MAP10: variants seen among roughly 807,000 people sequenced by gnomAD.
MAP10 encodes the protein microtubule-associated protein 10.
Under a neutral mutation model 6.3 loss-of-function variants are expected in MAP10, and 10 were observed. The ratio of observed to expected loss-of-function variants is 1.58; its 90% CI spans 0.98 to 2.69. The LOEUF is 2.69. MAP10 is among the 30% of genes most tolerant of loss of function. MAP10 has a pLI of 0.00. For missense variants in MAP10, 1,189 were observed against 1,086.5 expected (o/e 1.09, Z -1.33); for synonymous variants, 459 against 429.3 (o/e 1.07, Z -0.86).
rs980493981 is a variant in MAP10, at chr1:232,809,261, CT to C, written c.*1097del. On this transcript the variant is annotated 3_prime_UTR_variant, in exon 1 of 1. Coordinates refer to ENST00000418460, the MANE Select transcript of MAP10 (RefSeq NM_019090.3). ...TATATTTTCTTCTAGCTGTGTTATA[CT>C]TTAATTTTTAGACTTTTTAATATAT... Among the ~76,000 whole-genome samples the C allele has an allele frequency of 3.3e-5, 5 of 151,830 alleles. No individual in the cohort carries two copies. Among genetic ancestry groups the C allele is most frequent in the African/African-American group, 9.7e-5 (4 of 41,378 alleles).
chr1:232,808,035 TA>T, the MAP10 span: 5 of 1,613,354 alleles, frequency 3.1e-6, no homozygotes, highest in South Asian at 5.5e-5. Context: ...TGTCCGAACT[TA>T]ATGTCCTGGA....
Position 232,806,108 on chromosome 1 carries a change from A to G in MAP10, c.659A>G (p.Gln220Arg). ...QTQQERQQLQQPASQPSPKEA... is the reference protein window; with the variant it reads ...QTQQERQQLQRPASQPSPKEA... ...CAGCAGGAAAGACAGCAGCTGCAGC[A>G]GCCAGCCTCACAGCCAAGCCCAAAA... Residue 220 changes from glutamine to arginine, a missense_variant, in exon 1 of 1, where the codon CAG (glutamine) becomes CGG (arginine). Physicochemically the swap from Gln to Arg is conservative, Grantham distance 43. Transcript: ENST00000418460. 4 of 1,614,010 alleles carry G rather than the reference A, an allele frequency of 2.5e-6. No homozygotes were observed. The highest frequency in any genetic ancestry group is 3.4e-6 in the Non-Finnish European group (4 of 1,179,892).
Position 232,807,111 on chromosome 1 carries a change from G to A in MAP10, c.1662G>A (p.Lys554=), listed in dbSNP as rs1266989522. 7 of 1,612,020 alleles carry A rather than the reference G, an allele frequency of 4.3e-6. No homozygotes were observed. The highest frequency in any genetic ancestry group is 5.1e-6 in the Non-Finnish European group (6 of 1,179,120). ...TAAGCTCTGCAGAACAAAGTCAGAAGCCACAACTGCCTGAAGATAAGTATT... is the reference window on the plus strand; with the variant it reads ...TAAGCTCTGCAGAACAAAGTCAGAAACCACAACTGCCTGAAGATAAGTATT... The part of the protein sequence containing the change: ...KLLSSAEQSQ[K]PQLPEDKYLD... The change falls in exon 1 of 1, where the codon AAG becomes AAA. Residue 554 remains lysine (K), a synonymous_variant. Transcript: ENST00000418460.
chr1:232,807,150 A>G lies in MAP10; in HGVS notation c.1701A>G (p.Ala567=), dbSNP rs993329887. ...AAGATAAGTATTTAGATTCAGATGCATCTTTCACTGAAAATAGTGATACCT... is the reference window on the plus strand; with the variant it reads ...AAGATAAGTATTTAGATTCAGATGCGTCTTTCACTGAAAATAGTGATACCT... ...LPEDKYLDSD[A]SFTENSDTSR... Residue 567 remains alanine (A), a synonymous_variant, in exon 1 of 1, where the codon GCA becomes GCG. Transcript: ENST00000418460. 5.0e-6 allele frequency: 8 copies of G among 1,612,654 alleles called. No homozygotes were observed. The highest frequency in any genetic ancestry group is 6.8e-6 in the Non-Finnish European group (8 of 1,179,172).
In MAP10 at chr1:232,809,094, G is replaced by C. The variant is rs1666156296; in HGVS notation, c.*927G>C. ...TATCTTTTATACAGTTTCTGATATA[G>C]GAGTTCAGTTTCTTGTCATTTCAGT... On this transcript the variant is annotated 3_prime_UTR_variant, in exon 1 of 1. Transcript: ENST00000418460. Among the ~76,000 whole-genome samples, 1 of 152,020 alleles carries C rather than the reference G, an allele frequency of 6.6e-6. No homozygotes were observed. The highest frequency in any genetic ancestry group is 1.5e-5 in the Non-Finnish European group (1 of 67,932).
At position 232,805,492 on chromosome 1, in the gene MAP10, C is replaced by T. The variant is rs1340608929; in HGVS notation, c.43C>T (p.Leu15=). ...LSERLFSLEL[L]VDWVRLEARL... ...CGAGCGGCTCTTCTCGCTGGAGCTGCTGGTGGACTGGGTGCGTTTGGAAGC... is the reference window on the plus strand; with the variant it reads ...CGAGCGGCTCTTCTCGCTGGAGCTGTTGGTGGACTGGGTGCGTTTGGAAGC... Residue 15 remains leucine, a synonymous_variant, in exon 1 of 1, where the codon CTG becomes TTG. Transcript: ENST00000418460. 6.3e-7 allele frequency: 1 copy of T among 1,581,038 alleles called. No individual in the cohort carries two copies. The highest frequency in any genetic ancestry group is 8.6e-7 in the Non-Finnish European group (1 of 1,162,818).
chr1:232,805,489 C>G lies in MAP10; in HGVS notation c.40C>G (p.Leu14Val), dbSNP rs1275747279. ...SLSERLFSLE[L>V]LVDWVRLEAR... Reference sequence around the variant, plus strand: ...GTCCGAGCGGCTCTTCTCGCTGGAGCTGCTGGTGGACTGGGTGCGTTTGGA... The same window carrying G: ...GTCCGAGCGGCTCTTCTCGCTGGAGGTGCTGGTGGACTGGGTGCGTTTGGA... The change falls in exon 1 of 1, where the codon CTG (leucine) becomes GTG (valine). Residue 14 changes from leucine (L) to valine (V), a missense_variant. Coordinates refer to ENST00000418460, the MANE Select transcript of MAP10 (RefSeq NM_019090.3). 1.9e-6 allele frequency: 3 copies of G among 1,584,502 alleles called. No individual in the cohort carries two copies. Among genetic ancestry groups the G allele is most frequent in the East Asian group, 2.3e-5 (1 of 43,600 alleles).
chr1:232,806,497 A>G lies in MAP10; in HGVS notation c.1048A>G (p.Ser350Gly). The change falls in exon 1 of 1, where the codon AGT becomes GGT. Residue 350 changes from serine to glycine, a missense_variant. Ser to Gly is a moderately conservative substitution (Grantham distance 56). Coordinates refer to ENST00000418460, the MANE Select transcript of MAP10 (RefSeq NM_019090.3). ...KKRVNPPAHR[S>G]CLKHPSSAAH... ...GCGTGTAAATCCCCCAGCACACAGGAGTTGTCTAAAGCATCCAAGTTCTGC... is the reference window on the plus strand; with the variant it reads ...GCGTGTAAATCCCCCAGCACACAGGGGTTGTCTAAAGCATCCAAGTTCTGC... 6.2e-7 allele frequency: 1 copy of G among 1,613,946 alleles called. No individual in the cohort carries two copies. The highest frequency in any genetic ancestry group is 8.5e-7 in the Non-Finnish European group (1 of 1,179,902).
Position 232,808,201 on chromosome 1 carries a change from A to C in MAP10, c.*34A>C. Reference sequence around the variant, plus strand: ...GCTTTTAAAAAACTTTCAAGGACCTATGTGTACTGTTAGTGAAAAAAATTT... The same window carrying C: ...GCTTTTAAAAAACTTTCAAGGACCTCTGTGTACTGTTAGTGAAAAAAATTT... On this transcript the variant is annotated 3_prime_UTR_variant, in exon 1 of 1. Coordinates refer to ENST00000418460, the MANE Select transcript of MAP10 (RefSeq NM_019090.3). The C allele has an allele frequency of 7.1e-7, 1 of 1,403,118 alleles. No homozygotes were observed. The allele number at this position is 1,403,118 out of a possible 1,614,324, so 86.9% of individuals were successfully genotyped here.
chr1:232,808,139 T>C lies in MAP10; in HGVS notation c.2690T>C (p.Ile897Thr). ...TGCAAAGATATTTGTGAATTAGTAA[T>C]AAATAAACTTCCAGGATACACAATG... is the stretch of plus-strand genomic sequence containing the variant. Reference protein sequence around the residue: ...KQCKDICELVINKLPGYTM With the variant: ...KQCKDICELVTNKLPGYTM Residue 897 changes from isoleucine (I) to threonine (T), a missense_variant, in exon 1 of 1, where the codon ATA (isoleucine) becomes ACA (threonine). Ile to Thr is a moderately conservative substitution (Grantham distance 89, BLOSUM62 -1). Coordinates refer to ENST00000418460, the MANE Select transcript of MAP10 (RefSeq NM_019090.3). The C allele has an allele frequency of 6.3e-7, 1 of 1,580,108 alleles. No homozygotes were observed. The highest frequency in any genetic ancestry group is 8.6e-7 in the Non-Finnish European group (1 of 1,157,290).
chr1:232,805,640 TC>T, the MAP10 span: 3 of 1,583,096 alleles, frequency 1.9e-6, no homozygotes, highest in African/African-American at 2.7e-5. Context: ...CTGCTGGACT[TC>T]CCCACGCTGT....
At position 232,806,391 on chromosome 1, in the gene MAP10, G is replaced by A. The variant is rs368167890; in HGVS notation, c.942G>A (p.Pro314=). Residue 314 remains proline (P), a synonymous_variant, in exon 1 of 1, where the codon CCG becomes CCA. Coordinates refer to ENST00000418460, the MANE Select transcript of MAP10 (RefSeq NM_019090.3). The part of the protein sequence containing the change: ...LYYTNLTQEK[P]PPAQAKITIE... ...ACACTAACTTGACCCAAGAAAAACC[G>A]CCCCCTGCACAGGCTAAAATCACCA... 8.1e-6 allele frequency: 13 copies of A among 1,613,462 alleles called. No homozygotes were observed. The Admixed American group carries it at 1.3e-4, about 17-fold the overall frequency.
rs746439480 is a variant in MAP10, at chr1:232,806,683, C to A, written c.1234C>A (p.Pro412Thr). The A allele has an allele frequency of 2.5e-6, 4 of 1,613,868 alleles. No individual in the cohort carries two copies. The highest frequency in any genetic ancestry group is 3.4e-6 in the Non-Finnish European group (4 of 1,179,900). The change falls in exon 1 of 1, where the codon CCT becomes ACT. Residue 412 changes from proline (P) to threonine (T), a missense_variant. By Grantham distance (38) the Pro-to-Thr change is conservative. Coordinates refer to ENST00000418460, the MANE Select transcript of MAP10 (RefSeq NM_019090.3). ...TGAGTTGTCCTTGTTATATGACCAA[C>A]CTGTGACAAGTCCTGCTCATATACA... ...LVELSLLYDQ[P>T]VTSPAHIHPH...
At position 232,807,301 on chromosome 1, in the gene MAP10, G is replaced by A; in HGVS notation, c.1852G>A (p.Val618Ile). Residue 618 changes from valine to isoleucine, a missense_variant, in exon 1 of 1, where the codon GTT (valine) becomes ATT (isoleucine). Transcript: ENST00000418460. ...AATCAATAATGTTTCATTGGAAGAA[G>A]TTGTGAGTCCTGCAAATTCCATTAT... is the stretch of plus-strand genomic sequence containing the variant. ...NRINNVSLEE[V>I]VSPANSIIPE... 6.2e-7 allele frequency: 1 copy of A among 1,613,832 alleles called. No individual in the cohort carries two copies. Among genetic ancestry groups the A allele is most frequent in the African/African-American group, 1.3e-5 (1 of 75,042 alleles).
Position 232,807,666 on chromosome 1 carries a change from A to G in MAP10, c.2217A>G (p.Gln739=), listed in dbSNP as rs765021525. The G allele has an allele frequency of 1.2e-6, 2 of 1,612,358 alleles. No individual in the cohort carries two copies. Among genetic ancestry groups the G allele is most frequent in the Admixed American group, 3.3e-5 (2 of 59,808 alleles). The change falls in exon 1 of 1, where the codon CAA becomes CAG. Residue 739 remains glutamine, a synonymous_variant. Transcript: ENST00000418460. ...SSRTENPKHS[Q]YTSKSSDTGV... The stretch of plus-strand genomic sequence containing the variant: ...GGACAGAAAATCCAAAACATAGTCA[A>G]TATACAAGCAAGTCTAGTGACACAG...
Position 232,807,234 on chromosome 1 carries a change from A to G in MAP10, c.1785A>G (p.Lys595=), listed in dbSNP as rs1309075541. 6.2e-7 allele frequency: 1 copy of G among 1,613,626 alleles called. No homozygotes were observed. Among genetic ancestry groups the G allele is most frequent in the South Asian group, 1.1e-5 (1 of 90,976 alleles). Residue 595 remains lysine (K), a synonymous_variant, in exon 1 of 1, where the codon AAA becomes AAG. Coordinates refer to ENST00000418460, the MANE Select transcript of MAP10 (RefSeq NM_019090.3). ...EPSTSKETKL[K]YATEKKTVDC... ...GCACAAGTAAAGAAACTAAACTGAA[A>G]TATGCAACTGAAAAAAAGACAGTTG...
chr1:232,808,000 G>T lies in MAP10; in HGVS notation c.2551G>T (p.Val851Leu), dbSNP rs200332587. 1.2e-4 allele frequency: 188 copies of T among 1,613,472 alleles called. No individual in the cohort carries two copies. The highest frequency in any genetic ancestry group is 1.4e-4 in the Non-Finnish European group (169 of 1,179,660). Residue 851 changes from valine to leucine, a missense_variant, in exon 1 of 1, where the codon GTG (valine) becomes TTG (leucine). By Grantham distance (32) the Val-to-Leu change is conservative. Coordinates refer to ENST00000418460, the MANE Select transcript of MAP10 (RefSeq NM_019090.3). ...EKSQSPQTSQVSSYLPSNVSE... is the reference protein window; with the variant it reads ...EKSQSPQTSQLSSYLPSNVSE... ...AAGCCAGTCACCACAAACATCCCAG[G>T]TGAGTTCTTACCTGCCTTCAAATGT...
rs961906974 is a variant in MAP10, at chr1:232,806,705, T to C, written c.1256T>C (p.Ile419Thr). 8 of 1,613,820 alleles carry C rather than the reference T, an allele frequency of 5.0e-6. No homozygotes were observed. The highest frequency in any genetic ancestry group is 3.3e-4 in the Middle Eastern group (2 of 6,084). Residue 419 changes from isoleucine (I) to threonine (T), a missense_variant, in exon 1 of 1, where the codon ATA (isoleucine) becomes ACA (threonine). Transcript: ENST00000418460. ...YDQPVTSPAH[I>T]HPHLAWLYRT... ...CAACCTGTGACAAGTCCTGCTCATA[T>C]ACATCCTCACCTAGCCTGGTTATAT...
In MAP10 at chr1:232,807,635, G is replaced by A. The variant is rs775101147; in HGVS notation, c.2186G>A (p.Ser729Asn). 8.7e-6 allele frequency: 14 copies of A among 1,610,248 alleles called. No individual in the cohort carries two copies. In the East Asian group the frequency reaches 3.1e-4, roughly 36 times the overall value. Residue 729 changes from serine (S) to asparagine (N), a missense_variant, in exon 1 of 1, where the codon AGT becomes AAT. Physicochemically the swap from Ser to Asn is conservative, Grantham distance 46. Coordinates refer to ENST00000418460, the MANE Select transcript of MAP10 (RefSeq NM_019090.3). The stretch of plus-strand genomic sequence containing the variant: ...AGAAGTTTCAAAGCTCATGATAGCA[G>A]TTCAAGGACAGAAAATCCAAAACAT... ...TSRSFKAHDSSSRTENPKHSQ... is the reference protein window; with the variant it reads ...TSRSFKAHDSNSRTENPKHSQ...
Sources: allele counts gnomAD v4.1 joint callset (sites outside exome capture counted in the v4.1 genomes callset), GRCh38; gene constraint gnomAD v4.1.1; transcripts MANE v1.5; gene names NCBI Gene and HGNC (gene_info 2026-07-23, HGNC 2026-07-21).